Variants in TMC1 observed in about 807,000 individuals in gnomAD.
TMC1 encodes the protein transmembrane channel like 1.
Under a neutral mutation model 105.8 loss-of-function variants are expected in TMC1, and 84 were observed. The observed-to-expected ratio is 0.79, with a 90% CI of 0.67 to 0.95. The LOEUF is 0.95. TMC1 is among the 40% of genes least tolerant of loss of function. TMC1 has a pLI of 0.00. For synonymous variants in TMC1, 315 were observed against 311.5 expected (o/e 1.01, Z -0.12); for missense variants, 817 against 914.1 (o/e 0.89, Z 1.37).
At chr9:72,522,958 A>C (rs12347928) in intron 1 of TMC1, among the ~76,000 whole-genome samples, 9,508 of 152,194 alleles carry the variant, frequency 0.062, 903 homozygotes, top group African/African-American at 0.21. Context: ...TCAGTAGATG[A>C]CAGTATCAAC....
At chr9:72,665,853 G>A (rs1268816112) in intron 5 of TMC1, among the ~76,000 whole-genome samples, 1 of 152,152 alleles carries the variant, frequency 6.6e-6, no homozygotes, top group Non-Finnish European at 1.5e-5. Context: ...CCAGCTTCTG[G>A]GAGGGAACAT....
chr9:72,803,278 CA>C (rs763001164), intron 17 of TMC1, among the ~76,000 whole-genome samples: 3 of 152,002 alleles, frequency 2.0e-5, no homozygotes, highest in East Asian at 3.8e-4. Context: ...CTATAAAAAC[CA>C]TAGAAGAAAA....
At chr9:72,817,523 G>A (rs966434622) in intron 19 of TMC1, among the ~76,000 whole-genome samples, 5 of 152,128 alleles carry the variant, frequency 3.3e-5, no homozygotes, top group Non-Finnish European at 5.9e-5. Flanking sequence ...TGGCTAACAC[G>A]GCTATGGGAG....
At chr9:72,599,647 A>T (rs1406314548) in intron 2 of TMC1, among the ~76,000 whole-genome samples, 1 of 152,018 alleles carries the variant, frequency 6.6e-6, no homozygotes, top group Non-Finnish European at 1.5e-5. Flanking sequence ...CGTCTTTACT[A>T]AAAATACAAA....
intron 8 of TMC1, among the ~76,000 whole-genome samples, chr9:72,712,462 C>G (rs1439077640): frequency 6.6e-6 from 1 of 152,090 alleles, no homozygotes; most frequent in African/African-American, 2.4e-5. Flanking sequence ...GTTTGTAGTT[C>G]TCCTTGAAGA....
At chr9:72,525,759 G>C (rs1400068259) in intron 1 of TMC1, among the ~76,000 whole-genome samples, 1 of 152,310 alleles carries the variant, frequency 6.6e-6, no homozygotes, top group Admixed American at 6.5e-5. Context: ...AGGCCCAGGC[G>C]GGCAGATCAC....
chr9:72,712,903 T>G (rs1045521584), intron 8 of TMC1, among the ~76,000 whole-genome samples: 1 of 152,224 alleles, frequency 6.6e-6, no homozygotes, highest in African/African-American at 2.4e-5. Flanking sequence ...TGATATTGGC[T>G]GTGGATTTGT....
At chr9:72,522,239 C>G (rs1173080050) in intron 1 of TMC1, among the ~76,000 whole-genome samples, 1 of 150,764 alleles carries the variant, frequency 6.6e-6, no homozygotes, top group Non-Finnish European at 1.5e-5. Context: ...GTAGCTGGGA[C>G]TACAGGCGCC....
chr9:72,616,024 A>G (rs985993899), intron 2 of TMC1, among the ~76,000 whole-genome samples: 2 of 152,128 alleles, frequency 1.3e-5, no homozygotes, highest in African/African-American at 4.8e-5. Flanking sequence ...CTGGGATTAC[A>G]GGCGTGAGCC....
At chr9:72,558,101 A>G (rs1475968588) in intron 1 of TMC1, among the ~76,000 whole-genome samples, 2 of 152,238 alleles carry the variant, frequency 1.3e-5, no homozygotes, top group Non-Finnish European at 2.9e-5. Flanking sequence ...AATTGAAGAC[A>G]TAGGAAATAT....
chr9:72,820,785 G>T, intron 19 of TMC1, 57 bp from the exon 20 acceptor site: 2 of 1,609,412 alleles, frequency 1.2e-6, no homozygotes, highest in Non-Finnish European at 8.5e-7. Flanking sequence ...CAGGTGCAGT[G>T]TGACTTTGTT....
chr9:72,807,937 C>T (rs1255663667), intron 18 of TMC1, among the ~76,000 whole-genome samples: 2 of 152,190 alleles, frequency 1.3e-5, no homozygotes, highest in Non-Finnish European at 2.9e-5. Context: ...TGGTCATCCT[C>T]AGGTCCCCCA....
At chr9:72,707,900 AT>A (rs1826771385) in intron 8 of TMC1, among the ~76,000 whole-genome samples, 1 of 152,188 alleles carries the variant, frequency 6.6e-6, no homozygotes, top group Non-Finnish European at 1.5e-5. Context: ...CAAGTCTTAG[AT>A]TTAAGTCCTT....
intron 1 of TMC1, among the ~76,000 whole-genome samples, chr9:72,550,321 A>G (rs1439355559): frequency 6.6e-6 from 1 of 151,582 alleles, no homozygotes; most frequent in Non-Finnish European, 1.5e-5. Context: ...TACAAAAATT[A>G]GCTGGGCGTG....
chr9:72,765,165 C>A (rs1295376652), intron 12 of TMC1, among the ~76,000 whole-genome samples: 1 of 152,148 alleles, frequency 6.6e-6, no homozygotes, highest in African/African-American at 2.4e-5. Context: ...CCCAAATTAG[C>A]CATTTTACCT....
intron 8 of TMC1, among the ~76,000 whole-genome samples, chr9:72,710,761 A>T (rs186557034): frequency 0.14 from 20,659 of 152,126 alleles, 1,628 homozygotes; most frequent in African/African-American, 0.22. Context: ...TCTCTTGAAG[A>T]CAGCAGATAC....
At chr9:72,724,616 T>C (rs760063909) in intron 8 of TMC1, among the ~76,000 whole-genome samples, 7 of 152,218 alleles carry the variant, frequency 4.6e-5, no homozygotes, top group Non-Finnish European at 8.8e-5. Context: ...AAAAAATTTC[T>C]GAAGTTCTTT....
intron 15 of TMC1, 95 bp downstream of exon 15, chr9:72,789,412 T>C (rs1828226843): frequency 1.6e-6 from 2 of 1,218,288 alleles, no homozygotes; most frequent in African/African-American, 1.5e-5. Flanking sequence ...AAGGCCACCC[T>C]TTACCTATCC....
At chr9:72,719,928 C>A (rs1388451992) in intron 8 of TMC1, among the ~76,000 whole-genome samples, 1 of 152,094 alleles carries the variant, frequency 6.6e-6, no homozygotes, top group African/African-American at 2.4e-5. Flanking sequence ...TAAGTTCATA[C>A]CAGGTGTCAA....
Sources: gnomAD v4.1 joint callset for allele counts (sites outside exome capture counted in the v4.1 genomes callset) on GRCh38, gnomAD v4.1.1 for gene constraint, MANE v1.5 for transcripts, NCBI Gene and HGNC (gene_info 2026-07-23, HGNC 2026-07-21) for gene names.